The following UNC79 variants were observed in gnomAD, a reference collection of about 807,000 sequenced individuals.
UNC79 encodes protein unc-79 homolog.
In UNC79, 37 loss-of-function variants were observed where a neutral mutation model predicts 283.1. The ratio of observed to expected loss-of-function variants is 0.13; its 90% CI spans 0.10 to 0.17. UNC79 has a LOEUF of 0.17. UNC79 is among the 10% of genes least tolerant of loss of function. The pLI is 1.00. For synonymous variants in UNC79, 1,107 were observed against 1,200.2 expected (o/e 0.92, Z 1.61); for missense variants, 2,272 against 3,211.1 (o/e 0.71, Z 7.07).
At chr14:93,512,157 A>T (rs963234686) in intron 7 of UNC79, among the ~76,000 whole-genome samples, 16 of 152,062 alleles carry the variant, frequency 1.1e-4, no homozygotes, top group African/African-American at 3.9e-4. Flanking sequence ...TTTTGTTTTG[A>T]TATCTATGGT....
chr14:93,539,049 C>T (rs1278188251), intron 12 of UNC79, among the ~76,000 whole-genome samples: 1 of 150,572 alleles, frequency 6.6e-6, no homozygotes, highest in African/African-American at 2.4e-5. Flanking sequence ...ATTACAGGTG[C>T]GCACCCCCAC....
chr14:93,568,543 G>C (rs563867594), intron 14 of UNC79, among the ~76,000 whole-genome samples: 2 of 151,852 alleles, frequency 1.3e-5, no homozygotes, highest in Admixed American at 6.6e-5. Context: ...GTGTGGTGGC[G>C]GGTGGCTGTA....
At chr14:93,375,957 G>GC (rs34056084) in intron 1 of UNC79, among the ~76,000 whole-genome samples, 94,186 of 151,954 alleles carry the variant, frequency 0.62, 29,652 homozygotes, top group Middle Eastern at 0.69. Context: ...GAGCTAGCAT[G>GC]TTAGGCCCTT....
chr14:93,575,608 C>A (rs1016772713), intron 17 of UNC79, among the ~76,000 whole-genome samples: 3 of 152,058 alleles, frequency 2.0e-5, no homozygotes, highest in African/African-American at 7.3e-5. Context: ...TGATCAACTA[C>A]TGGTGACTGT....
chr14:93,633,989 A>G (rs17783756), intron 31 of UNC79, among the ~76,000 whole-genome samples: 4,417 of 152,200 alleles, frequency 0.029, 156 homozygotes, highest in Admixed American at 0.11. Context: ...GACTGGTTCC[A>G]AGTCATATAA....
intron 16 of UNC79, among the ~76,000 whole-genome samples, chr14:93,574,757 G>A (rs951167117): frequency 2.6e-5 from 4 of 152,066 alleles, no homozygotes; most frequent in Non-Finnish European, 1.5e-5. Flanking sequence ...GAAAGGTGGG[G>A]ATCTAAGGCA....
At chr14:93,682,765 A>G in intron 42 of UNC79, 71 bp downstream of exon 45, 1 of 1,485,716 alleles carries the variant, frequency 6.7e-7, no homozygotes, top group East Asian at 2.3e-5. Flanking sequence ...TGTAGGCTTT[A>G]GACTTACATC....
intron 32 of UNC79, among the ~76,000 whole-genome samples, chr14:93,638,826 T>C (rs943475222): frequency 2.6e-5 from 4 of 152,188 alleles, no homozygotes; most frequent in African/African-American, 4.8e-5. Flanking sequence ...GTCTGTGGCT[T>C]CCTTTTTGCA....
chr14:93,634,495 A>G (rs2068337139), intron 31 of UNC79, 26 bp from the exon 34 acceptor site: 1 of 1,523,642 alleles, frequency 6.6e-7, no homozygotes, highest in South Asian at 1.1e-5. Context: ...TATTATTATA[A>G]TCATCTCCTA....
intron 1 of UNC79, among the ~76,000 whole-genome samples, chr14:93,383,793 A>C (rs961886512): frequency 6.6e-6 from 1 of 152,098 alleles, no homozygotes; most frequent in African/African-American, 2.4e-5. Flanking sequence ...GTGTCATGGG[A>C]GGAACTCAGT....
At chr14:93,673,803 G>A (rs767333939) in intron 41 of UNC79, among the ~76,000 whole-genome samples, 1 of 152,094 alleles carries the variant, frequency 6.6e-6, no homozygotes, top group Non-Finnish European at 1.5e-5. Flanking sequence ...GCCAGAAGTG[G>A]GGGAACAGGC....
intron 32 of UNC79, among the ~76,000 whole-genome samples, chr14:93,638,970 C>T (rs975103892): frequency 2.0e-5 from 3 of 152,244 alleles, no homozygotes; most frequent in South Asian, 2.1e-4. Flanking sequence ...TTATAGATGA[C>T]GGCCATAAAT....
chr14:93,387,273 TATTA>T (rs2140000356), intron 1 of UNC79, among the ~76,000 whole-genome samples: 1 of 152,252 alleles, frequency 6.6e-6, no homozygotes, highest in Non-Finnish European at 1.5e-5. Flanking sequence ...TTCTTTCTTC[TATTA>T]ATTTTTGGTT....
intron 1 of UNC79, among the ~76,000 whole-genome samples, chr14:93,435,497 G>A (rs2056051729): frequency 6.6e-6 from 1 of 152,090 alleles, no homozygotes; most frequent in Non-Finnish European, 1.5e-5. Flanking sequence ...ACATTCACTT[G>A]CATGGTATCA....
chr14:93,568,463 C>A (rs1271243828), intron 14 of UNC79, among the ~76,000 whole-genome samples: 1 of 152,092 alleles, frequency 6.6e-6, no homozygotes, highest in African/African-American at 2.4e-5. Context: ...CACCTGAGGT[C>A]AGGAGTTCAA....
Position 93,379,071 on chromosome 14 carries a change from C to T in UNC79, c.-351+45548C>T, listed in dbSNP as rs146326408. 7.6e-4 allele frequency among the ~76,000 whole-genome samples: 116 copies of T among 152,212 alleles called. 1 individual carries two copies. Among genetic ancestry groups the T allele is most frequent in the Admixed American group, 2.9e-3 (44 of 15,282 alleles). On this transcript the variant is annotated intron_variant, in intron 1 of 49. Transcript: ENST00000256339. ...TAAGAGAGTCAAGTTAACAGCTGAG[C>T]AAAAGAGTGGGGATTCATGAATTTC...
intron 31 of UNC79, among the ~76,000 whole-genome samples, chr14:93,635,854 G>A (rs914752132): frequency 6.6e-6 from 1 of 152,234 alleles, no homozygotes; most frequent in Non-Finnish European, 1.5e-5. Flanking sequence ...AACCTCAGGA[G>A]TTCACTGGGT....
At chr14:93,485,935 T>A (rs1220048580) in intron 4 of UNC79, among the ~76,000 whole-genome samples, 3 of 152,226 alleles carry the variant, frequency 2.0e-5, no homozygotes, top group Non-Finnish European at 4.4e-5. Context: ...TGTGTTAATT[T>A]TTTTTATCTC....
intron 7 of UNC79, among the ~76,000 whole-genome samples, chr14:93,510,951 C>T (rs1192062896): frequency 1.3e-5 from 2 of 152,174 alleles, no homozygotes; most frequent in Non-Finnish European, 2.9e-5. Flanking sequence ...ATACCTGCAA[C>T]TGGGTAGTTT....
Sources: allele counts gnomAD v4.1 joint callset (sites outside exome capture counted in the v4.1 genomes callset), GRCh38; gene constraint gnomAD v4.1.1; transcripts MANE v1.5; gene names NCBI Gene and HGNC (gene_info 2026-07-23, HGNC 2026-07-21).